Variants in ABTB3 observed in about 807,000 individuals in gnomAD.
ABTB3 encodes the protein ankyrin repeat and BTB domain containing 3.
the ABTB3 span, among the ~76,000 whole-genome samples, chr12:107,388,699 G>A: frequency 2.6e-5 from 4 of 152,288 alleles, no homozygotes; most frequent in Admixed American, 6.5e-5. Flanking sequence ...CATCTGCACA[G>A]CACCAGCAGG....
At chr12:107,513,910 T>C in the ABTB3 span, among the ~76,000 whole-genome samples, 3 of 152,244 alleles carry the variant, frequency 2.0e-5, no homozygotes, top group Non-Finnish European at 4.4e-5. Context: ...ACCAAATGGT[T>C]GTCTGTCTCC....
chr12:107,608,942 T>TAAATA, the ABTB3 span, among the ~76,000 whole-genome samples: 65 of 60,246 alleles, frequency 1.1e-3, no homozygotes, highest in Admixed American at 2.9e-3. Context: ...TAAAATAAAA[T>TAAATA]AAATAAAATA....
At chr12:107,551,831 CA>C in the ABTB3 span, among the ~76,000 whole-genome samples, 2 of 151,966 alleles carry the variant, frequency 1.3e-5, no homozygotes, top group Admixed American at 6.6e-5. Flanking sequence ...CTGCTCACTG[CA>C]ACCTCCACCT....
the ABTB3 span, chr12:107,641,988 G>A: frequency 1.9e-6 from 2 of 1,064,238 alleles, no homozygotes; most frequent in East Asian, 2.4e-5. Context: ...AGATTTGCAG[G>A]GGAAGAAACA....
chr12:107,557,293 C>T, the ABTB3 span, among the ~76,000 whole-genome samples: 74 of 151,600 alleles, frequency 4.9e-4, no homozygotes, highest in Non-Finnish European at 9.3e-4. Flanking sequence ...GTTACTCTAC[C>T]GAATACTGTA....
the ABTB3 span, among the ~76,000 whole-genome samples, chr12:107,380,137 C>T: frequency 0.29 from 43,614 of 152,126 alleles, 6,326 homozygotes; most frequent in Admixed American, 0.31. Flanking sequence ...CACCAGCAAA[C>T]GTGTTCTGAA....
chr12:107,651,842 G>T, the ABTB3 span: 6 of 1,481,190 alleles, frequency 4.1e-6, no homozygotes, highest in Non-Finnish European at 5.6e-6. Context: ...AGCCGGGGAG[G>T]CTTTTCCTTG....
At chr12:107,516,994 A>G in the ABTB3 span, among the ~76,000 whole-genome samples, 5 of 152,120 alleles carry the variant, frequency 3.3e-5, no homozygotes, top group Non-Finnish European at 7.4e-5. Context: ...TAGGGTTTTT[A>G]TGGTTTTAGG....
the ABTB3 span, among the ~76,000 whole-genome samples, chr12:107,325,654 C>G: frequency 2.0e-5 from 3 of 152,124 alleles, no homozygotes; most frequent in Non-Finnish European, 4.4e-5. Context: ...AGAAGGAAGG[C>G]CTCTAATTCT....
the ABTB3 span, among the ~76,000 whole-genome samples, chr12:107,533,014 A>G: frequency 2.0e-5 from 3 of 152,234 alleles, no homozygotes; most frequent in African/African-American, 7.2e-5. Context: ...CTGCCCTACA[A>G]GAAATGCTTA....
chr12:107,484,023 C>T, the ABTB3 span, among the ~76,000 whole-genome samples: 2 of 152,136 alleles, frequency 1.3e-5, no homozygotes, highest in African/African-American at 4.8e-5. Flanking sequence ...TTCCAATCCA[C>T]GAATCAGATG....
the ABTB3 span, among the ~76,000 whole-genome samples, chr12:107,347,290 T>A: frequency 6.6e-6 from 1 of 152,176 alleles, no homozygotes; most frequent in Non-Finnish European, 1.5e-5. Flanking sequence ...TATCTTTATA[T>A]GAGATATAAA....
chr12:107,394,433 T>C, the ABTB3 span, among the ~76,000 whole-genome samples: 25 of 152,232 alleles, frequency 1.6e-4, no homozygotes, highest in Non-Finnish European at 3.2e-4. Flanking sequence ...ATTCTGATCT[T>C]GGCTTCTCTG....
At chr12:107,623,590 C>T in the ABTB3 span, among the ~76,000 whole-genome samples, 2 of 151,784 alleles carry the variant, frequency 1.3e-5, no homozygotes, top group African/African-American at 4.8e-5. Context: ...TGGTCTCGAA[C>T]TCCTGACCTC....
the ABTB3 span, among the ~76,000 whole-genome samples, chr12:107,654,097 G>A: frequency 3.9e-5 from 6 of 152,198 alleles, no homozygotes; most frequent in East Asian, 1.9e-4. Context: ...AGTTTCATTC[G>A]TATAGTAGCA....
the ABTB3 span, among the ~76,000 whole-genome samples, chr12:107,575,094 CT>C: frequency 2.6e-4 from 39 of 152,336 alleles, no homozygotes; most frequent in African/African-American, 9.1e-4. Flanking sequence ...CTCTGTGTCT[CT>C]GGAATTATGA....
the ABTB3 span, among the ~76,000 whole-genome samples, chr12:107,510,479 A>G: frequency 1.3e-5 from 2 of 152,084 alleles, no homozygotes; most frequent in Non-Finnish European, 2.9e-5. Context: ...CTCACACTCT[A>G]ATGCTGGAGA....
At chr12:107,471,628 A>T in the ABTB3 span, among the ~76,000 whole-genome samples, 1 of 152,322 alleles carries the variant, frequency 6.6e-6, no homozygotes, top group South Asian at 2.1e-4. Flanking sequence ...TGTAACTTTT[A>T]CAAATGAGGA....
At chr12:107,326,053 G>A in the ABTB3 span, among the ~76,000 whole-genome samples, 1 of 152,108 alleles carries the variant, frequency 6.6e-6, no homozygotes, top group East Asian at 1.9e-4. Context: ...TTACAGGCAT[G>A]CGCCACCATG....
Sources: gnomAD v4.1 joint callset for allele counts (sites outside exome capture counted in the v4.1 genomes callset) on GRCh38, gnomAD v4.1.1 for gene constraint, MANE v1.5 for transcripts, NCBI Gene and HGNC (gene_info 2026-07-23, HGNC 2026-07-21) for gene names.